PDILT: variants seen among roughly 807,000 people sequenced by gnomAD.
PDILT encodes protein disulfide-isomerase-like protein of the testis.
A neutral mutation model predicts 53.7 loss-of-function variants in PDILT; 43 were observed. The ratio of observed to expected loss-of-function variants is 0.80; its 90% CI spans 0.63 to 1.03. PDILT has a LOEUF of 1.03. PDILT is among the 50% of genes least tolerant of loss of function. The pLI is 0.00. For synonymous variants in PDILT, 282 were observed against 274.2 expected (o/e 1.03, Z -0.28); for missense variants, 727 against 712.3 (o/e 1.02, Z -0.24).
intron 7 of PDILT, among the ~76,000 whole-genome samples, chr16:20,371,498 A>G (rs1966305497): frequency 6.6e-6 from 1 of 152,262 alleles, no homozygotes; most frequent in South Asian, 2.1e-4. Flanking sequence ...TGTACTTTCA[A>G]TAAATATTTG....
At chr16:20,385,205 A>G (rs1966518923) in intron 2 of PDILT, among the ~76,000 whole-genome samples, 1 of 152,312 alleles carries the variant, frequency 6.6e-6, no homozygotes, top group Non-Finnish European at 1.5e-5. Context: ...ACCAGCTATA[A>G]TTGCTTATTG....
intron 9 of PDILT, among the ~76,000 whole-genome samples, chr16:20,363,451 G>A (rs540880771): frequency 7.3e-6 from 1 of 137,466 alleles, no homozygotes; most frequent in African/African-American, 2.8e-5. Flanking sequence ...TCCAAAAAGT[G>A]TGTGTGTGTT....
chr16:20,372,240 G>T (rs1966317899), intron 7 of PDILT, among the ~76,000 whole-genome samples: 1 of 152,166 alleles, frequency 6.6e-6, no homozygotes, highest in Non-Finnish European at 1.5e-5. Context: ...TACTACAACA[G>T]TCCATTTCAT....
chr16:20,392,572 G>A (rs1031788525), intron 2 of PDILT, among the ~76,000 whole-genome samples: 2 of 152,166 alleles, frequency 1.3e-5, no homozygotes, highest in African/African-American at 2.4e-5. Flanking sequence ...TTTTCCAAAG[G>A]CCACTTTAGA....
chr16:20,382,254 C>A (rs997473625), intron 3 of PDILT, among the ~76,000 whole-genome samples: 1 of 152,196 alleles, frequency 6.6e-6, no homozygotes, highest in African/African-American at 2.4e-5. Context: ...AATGAGAAAA[C>A]TAATAGTCTG....
Position 20,396,022 on chromosome 16 carries a change from G to C in PDILT, c.202+3077C>G, listed in dbSNP as rs568124663. Reference sequence around the variant, plus strand: ...ACAGACAAAGACATCACCATTAGCAGATTCTTAATTACTTGTAGTTGAACT... The same window carrying C: ...ACAGACAAAGACATCACCATTAGCACATTCTTAATTACTTGTAGTTGAACT... On this transcript the variant is annotated intron_variant, in intron 2 of 11. Coordinates refer to ENST00000302451, the MANE Select transcript of PDILT (RefSeq NM_174924.2). 2.3e-3 allele frequency among the ~76,000 whole-genome samples: 344 copies of C among 152,340 alleles called. 1 individual carries two copies. Among genetic ancestry groups the C allele is most frequent in the African/African-American group, 7.9e-3 (329 of 41,584 alleles).
chr16:20,385,614 C>CA lies in PDILT; in HGVS notation c.203-764dup, dbSNP rs1217274523. 4.6e-5 allele frequency among the ~76,000 whole-genome samples: 7 copies of CA among 151,470 alleles called. No homozygotes were observed. The South Asian group carries it at 6.3e-4, about 14-fold the overall frequency. On this transcript the variant is annotated intron_variant, in intron 2 of 11. Coordinates refer to ENST00000302451, the MANE Select transcript of PDILT (RefSeq NM_174924.2). ...GGAGGCTGGGTGCAGGGTGAGGGATCAAAAAAAACTGCATATTGGGTAGAA... is the reference window on the plus strand; with the variant it reads ...GGAGGCTGGGTGCAGGGTGAGGGATCAAAAAAAAACTGCATATTGGGTAGAA...
intron 2 of PDILT, among the ~76,000 whole-genome samples, chr16:20,392,569 A>G (rs1429962298): frequency 3.9e-5 from 6 of 152,218 alleles, no homozygotes; most frequent in Non-Finnish European, 7.3e-5. Context: ...TGTTTTTCCA[A>G]AGGCCACTTT....
chr16:20,369,809 G>A (rs966248975), intron 7 of PDILT, 120 bp from the exon 8 acceptor site: 2 of 967,530 alleles, frequency 2.1e-6, no homozygotes, highest in East Asian at 2.5e-5. Flanking sequence ...TCTGCAAAAT[G>A]TAACAAAGGC....
chr16:20,361,051 G>T (rs549182210), intron 10 of PDILT, among the ~76,000 whole-genome samples: 1 of 152,128 alleles, frequency 6.6e-6, no homozygotes, highest in Non-Finnish European at 1.5e-5. Context: ...TGAAAACAGC[G>T]CCTGGTTCAT....
intron 2 of PDILT, among the ~76,000 whole-genome samples, chr16:20,386,992 C>T (rs1028651292): frequency 6.6e-6 from 1 of 152,154 alleles, no homozygotes; most frequent in African/African-American, 2.4e-5. Flanking sequence ...TTGTGGCAAC[C>T]GGAGTGCTGG....
At chr16:20,380,100 T>C (rs1274051110) in intron 3 of PDILT, among the ~76,000 whole-genome samples, 1 of 152,204 alleles carries the variant, frequency 6.6e-6, no homozygotes. Context: ...ATCAGAACCA[T>C]TGCTCTGATG....
chr16:20,396,852 A>C (rs1047833219), intron 2 of PDILT, among the ~76,000 whole-genome samples: 33 of 152,250 alleles, frequency 2.2e-4, no homozygotes, highest in African/African-American at 7.7e-4. Context: ...ATTGAGCTGC[A>C]TAAGTGTGGG....
chr16:20,370,792 C>A (rs1966295308), intron 7 of PDILT, among the ~76,000 whole-genome samples: 1 of 152,074 alleles, frequency 6.6e-6, no homozygotes, highest in Admixed American at 6.5e-5. Flanking sequence ...CCAAACCCAC[C>A]AAAACCGAGA....
chr16:20,395,054 A>C (rs910775196), intron 2 of PDILT, among the ~76,000 whole-genome samples: 2 of 152,184 alleles, frequency 1.3e-5, no homozygotes, highest in African/African-American at 4.8e-5. Flanking sequence ...TATATAATTT[A>C]TTTCTTTAAG....
At chr16:20,371,175 A>T (rs1470458474) in intron 7 of PDILT, among the ~76,000 whole-genome samples, 3 of 152,168 alleles carry the variant, frequency 2.0e-5, no homozygotes, top group African/African-American at 7.2e-5. Context: ...GACAAAGGAG[A>T]AAAGGTCAGA....
At chr16:20,360,019 C>A (rs964185048) in intron 11 of PDILT, among the ~76,000 whole-genome samples, 3 of 152,140 alleles carry the variant, frequency 2.0e-5, no homozygotes, top group Non-Finnish European at 4.4e-5. Flanking sequence ...AGAATGAAAC[C>A]AACATAGAGG....
At chr16:20,403,345 A>C (rs1209395161) in intron 1 of PDILT, among the ~76,000 whole-genome samples, 2 of 152,176 alleles carry the variant, frequency 1.3e-5, no homozygotes, top group East Asian at 3.9e-4. Context: ...GCTGGAGTGC[A>C]ATCACATGAT....
chr16:20,363,008 G>C (rs1227443375), intron 9 of PDILT, among the ~76,000 whole-genome samples: 1 of 139,440 alleles, frequency 7.2e-6, no homozygotes, highest in African/African-American at 2.7e-5. Context: ...GGAGGTGGAG[G>C]TTGCAATGAG....
Sources: allele counts gnomAD v4.1 joint callset (sites outside exome capture counted in the v4.1 genomes callset), GRCh38; gene constraint gnomAD v4.1.1; transcripts MANE v1.5; gene names NCBI Gene and HGNC (gene_info 2026-07-23, HGNC 2026-07-21).